IKZF4: variants seen among roughly 807,000 people sequenced by gnomAD.
IKZF4 encodes the protein zinc finger protein Eos.
IKZF4 carries 11 observed loss-of-function variants against 47.7 expected under a neutral mutation model. That is an observed-to-expected ratio of 0.23 (90% CI 0.15 to 0.38). The LOEUF is 0.38. Among genes scored for constraint, IKZF4 ranks in the 10% least tolerant of loss-of-function variants. IKZF4 has a pLI of 1.00. For missense variants in IKZF4, 557 were observed against 784.9 expected, an observed-to-expected ratio of 0.71 and a Z score of 3.47; for synonymous variants, 298 against 299.4, an observed-to-expected ratio of 1.00 and a Z score of 0.05.
At chr12:56,021,688 C>CGG in intron 1 of IKZF4, 108 bp downstream of exon 1, 3 of 657,812 alleles carry the variant, frequency 4.6e-6, no homozygotes, top group Non-Finnish European at 7.3e-6. Flanking sequence ...AGGATGGGGG[C>CGG]TGTGTGTGTG....
In IKZF4 at chr12:56,035,696, CTT is replaced by C; in HGVS notation, c.*366_*367del. Reference sequence around the variant, plus strand: ...TTCCACTTTAGGCCAATTTTTCTCTCTTAGATCTTCCAGCAGCCCCAGGGGTA... The same window carrying C: ...TTCCACTTTAGGCCAATTTTTCTCTCAGATCTTCCAGCAGCCCCAGGGGTA... On this transcript the variant is annotated 3_prime_UTR_variant, in exon 8 of 8. Coordinates refer to ENST00000547167, the MANE Select transcript of IKZF4 (RefSeq NM_022465.4). The surrounding 1 kb of genome is among the most constrained non-coding windows in gnomAD (Gnocchi z 6.1). 1 of 185,346 alleles carries C rather than the reference CTT, an allele frequency of 5.4e-6. No homozygotes were observed. Among genetic ancestry groups the C allele is most frequent in the South Asian group, 1.3e-4 (1 of 7,790 alleles). The allele number at this position is 185,346 out of a possible 1,614,324, so 11.5% of individuals were successfully genotyped here.
At chr12:56,014,785 AAAAAAC>A (rs898393268) in intron 2 of IKZF4, among the ~76,000 whole-genome samples, 11 of 151,898 alleles carry the variant, frequency 7.2e-5, no homozygotes, top group African/African-American at 2.7e-4. Flanking sequence ...GTCTCAAAAA[AAAAAAC>A]AAAAACAAAA....
At position 56,035,309 on chromosome 12, in the gene IKZF4, G is replaced by T; in HGVS notation, c.1736G>T (p.Arg579Leu). 1 of 1,611,514 alleles carries T rather than the reference G, an allele frequency of 6.2e-7. No individual in the cohort carries two copies. Among genetic ancestry groups the T allele is most frequent in the South Asian group, 1.1e-5 (1 of 90,786 alleles). The change falls in exon 8 of 8, where the codon CGG becomes CTG. Residue 579 changes from arginine to leucine, a missense_variant. Around this residue, in one of 6 missense-constraint regions of IKZF4, gnomAD observed 22 missense variants for 65.2 expected, o/e 0.34. Transcript: ENST00000547167. This position sits in a 1 kb window ranked among gnomAD's most constrained non-coding sequence, Gnocchi z 6.1. Reference sequence around the variant, plus strand: ...TACGAATTCTCTTCCCACATTGTCCGGGGGGAGCATAAGGTGGGCTAGCAA... The same window carrying T: ...TACGAATTCTCTTCCCACATTGTCCTGGGGGAGCATAAGGTGGGCTAGCAA... ...DRYEFSSHIV[R>L]GEHKVG
At position 56,027,050 on chromosome 12, in the gene IKZF4, G is replaced by A. The variant is rs377281245; in HGVS notation, c.547+9G>A. ...CAAGCGCAGTCACACTGGTAAGTAAGCCAGAGGGGCTCTGGGAGGAGCTCC... is the reference window on the plus strand; with the variant it reads ...CAAGCGCAGTCACACTGGTAAGTAAACCAGAGGGGCTCTGGGAGGAGCTCC... On this transcript the variant is annotated intron_variant, in intron 4 of 7. Coordinates refer to ENST00000547167, the MANE Select transcript of IKZF4 (RefSeq NM_022465.4). The A allele has an allele frequency of 2.3e-5, 35 of 1,499,664 alleles. No homozygotes were observed. In the African/African-American group the frequency reaches 4.4e-4, roughly 19 times the overall value. 92.9% of individuals were successfully genotyped at this position (1,499,664 alleles called of 1,614,324 possible).
Position 56,035,074 on chromosome 12 carries a change from C to A in IKZF4, c.1501C>A (p.Pro501Thr). The A allele has an allele frequency of 6.3e-7, 1 of 1,593,806 alleles. No homozygotes were observed. The highest frequency in any genetic ancestry group is 8.6e-7 in the Non-Finnish European group (1 of 1,169,540). ...SPAYAKEDPK[P>T]QEGLLRGTPG... ...TGCCTACGCCAAAGAGGACCCCAAGCCACAGGAGGGGTTATTGCGGGGCAC... is the reference window on the plus strand; with the variant it reads ...TGCCTACGCCAAAGAGGACCCCAAGACACAGGAGGGGTTATTGCGGGGCAC... The change falls in exon 8 of 8, where the codon CCA becomes ACA. Residue 501 changes from proline (P) to threonine (T), a missense_variant. Coordinates refer to ENST00000547167, the MANE Select transcript of IKZF4 (RefSeq NM_022465.4). The surrounding 1 kb of genome is among the most constrained non-coding windows in gnomAD (Gnocchi z 6.1).
At chr12:56,009,541 G>A (rs1171551919) in intron 1 of IKZF4, among the ~76,000 whole-genome samples, 1 of 152,196 alleles carries the variant, frequency 6.6e-6, no homozygotes, top group Non-Finnish European at 1.5e-5. Flanking sequence ...CATGAGAACA[G>A]TCAGATGAGT....
chr12:56,010,981 A>C (rs1247906436), intron 1 of IKZF4, among the ~76,000 whole-genome samples: 1 of 152,154 alleles, frequency 6.6e-6, no homozygotes, highest in Admixed American at 6.5e-5. Context: ...TTTGGGCACA[A>C]TTGCAATCAA....
rs1892828995 is a variant in IKZF4, at chr12:56,021,077, T to TTC, written c.-416_-415dup. ...CCTCTCTCAGGCATTTGTTGTGCAG[T>TTC]TCCTCTTTGTCTGCTGGGCACGAGG... On this transcript the variant is annotated 5_prime_UTR_variant, in exon 1 of 8. Coordinates refer to ENST00000547167, the MANE Select transcript of IKZF4 (RefSeq NM_022465.4). 1.6e-6 allele frequency: 2 copies of TTC among 1,260,992 alleles called. No individual in the cohort carries two copies. The highest frequency in any genetic ancestry group is 2.0e-6 in the Non-Finnish European group (2 of 995,490). The allele number at this position is 1,260,992 out of a possible 1,614,324, so 78.1% of individuals were successfully genotyped here.
In IKZF4 at chr12:56,038,027, C is replaced by T. The variant is rs1895761991; in HGVS notation, c.*2696C>T. On this transcript the variant is annotated 3_prime_UTR_variant, in exon 8 of 8. Coordinates refer to ENST00000547167, the MANE Select transcript of IKZF4 (RefSeq NM_022465.4). ...CTGCAGATAGGATTTTGTAATACTT[C>T]TGGCAGCTTCTTTCCTTGTGTACAT... is the stretch of plus-strand genomic sequence containing the variant. 1 of 150,440 alleles carries T rather than the reference C, an allele frequency of 6.6e-6. No individual in the cohort carries two copies. Among genetic ancestry groups the T allele is most frequent in the African/African-American group, 2.4e-5 (1 of 41,082 alleles). 9.3% of individuals were successfully genotyped at this position (150,440 alleles called of 1,614,324 possible).
intron 1 of IKZF4, chr12:56,007,761 G>A (rs938913775): frequency 6.6e-6 from 1 of 152,130 alleles, no homozygotes; most frequent in African/African-American, 2.4e-5. Context: ...GCTTGGTGGG[G>A]GTAAAGCGGG....
rs748445477 is a variant in IKZF4, at chr12:56,021,274, C to CCTCT, written c.-202_-199dup. The CCTCT allele has an allele frequency of 3.8e-5, 50 of 1,309,568 alleles. No individual in the cohort carries two copies. Among genetic ancestry groups the CCTCT allele is most frequent in the Non-Finnish European group, 4.7e-5 (47 of 1,001,014 alleles). 81.1% of individuals were successfully genotyped at this position (1,309,568 alleles called of 1,614,324 possible). A position where few individuals can be genotyped will look rare whatever the true frequency, so the allele number is the denominator to read the frequency against. On this transcript the variant is annotated 5_prime_UTR_variant, in exon 1 of 8. Coordinates refer to ENST00000547167, the MANE Select transcript of IKZF4 (RefSeq NM_022465.4). ...GCGTGCTCTCCCCTCTCCTTCTCTCCCTCTCTCTCTCTCTCTCTCTCACAC... is the reference window on the plus strand; with the variant it reads ...GCGTGCTCTCCCCTCTCCTTCTCTCCCTCTCTCTCTCTCTCTCTCTCTCTCACAC...
Position 56,035,494 on chromosome 12 carries a change from T to C in IKZF4, c.*163T>C, listed in dbSNP as rs1303473952. On this transcript the variant is annotated 3_prime_UTR_variant, in exon 8 of 8. Coordinates refer to ENST00000547167, the MANE Select transcript of IKZF4 (RefSeq NM_022465.4). The surrounding 1 kb of genome is among the most constrained non-coding windows in gnomAD (Gnocchi z 6.1). Reference sequence around the variant, plus strand: ...CCTCCTCACCTATTCTCTTCCTCTATCCTGACCGATGTAAGCATTGTGATG... The same window carrying C: ...CCTCCTCACCTATTCTCTTCCTCTACCCTGACCGATGTAAGCATTGTGATG... The C allele has an allele frequency of 1.6e-6, 1 of 627,206 alleles. No individual in the cohort carries two copies. The allele number at this position is 627,206 out of a possible 1,614,324, so 38.9% of individuals were successfully genotyped here.
At chr12:56,023,050 C>T (rs551791244) in intron 1 of IKZF4, among the ~76,000 whole-genome samples, 9 of 152,272 alleles carry the variant, frequency 5.9e-5, no homozygotes, top group Admixed American at 3.9e-4. Context: ...CCGCCCGCCT[C>T]GGCCTCCCAA....
Position 56,035,485 on chromosome 12 carries a change from C to T in IKZF4, c.*154C>T, listed in dbSNP as rs548123073. 223 of 689,160 alleles carry T rather than the reference C, an allele frequency of 3.2e-4. No individual in the cohort carries two copies. The highest frequency in any genetic ancestry group is 5.7e-4 in the Admixed American group (21 of 36,950). The allele number at this position is 689,160 out of a possible 1,614,324, so 42.7% of individuals were successfully genotyped here. A position where few individuals can be genotyped will look rare whatever the true frequency, so the allele number is the denominator to read the frequency against. On this transcript the variant is annotated 3_prime_UTR_variant, in exon 8 of 8. Transcript: ENST00000547167. The surrounding 1 kb of genome is among the most constrained non-coding windows in gnomAD (Gnocchi z 6.1). ...ACCCTGACCCCTCCTCACCTATTCT[C>T]TTCCTCTATCCTGACCGATGTAAGC...
At chr12:56,009,461 G>T (rs756847317) in intron 1 of IKZF4, among the ~76,000 whole-genome samples, 1 of 152,170 alleles carries the variant, frequency 6.6e-6, no homozygotes, top group Non-Finnish European at 1.5e-5. Context: ...CTTGCTTTAT[G>T]GTTTGCAGGA....
chr12:56,021,683 G>A, intron 1 of IKZF4, 103 bp downstream of exon 1: 1 of 1,315,848 alleles, frequency 7.6e-7, no homozygotes, highest in Non-Finnish European at 1.0e-6. Flanking sequence ...TGGAGAGGAT[G>A]GGGGCTGTGT....
At position 56,021,251 on chromosome 12, in the gene IKZF4, G is replaced by T; in HGVS notation, c.-243G>T. Reference sequence around the variant, plus strand: ...GCCCCCTCCCCAAGCACATCCAAGCGTGCTCTCCCCTCTCCTTCTCTCCCT... The same window carrying T: ...GCCCCCTCCCCAAGCACATCCAAGCTTGCTCTCCCCTCTCCTTCTCTCCCT... On this transcript the variant is annotated 5_prime_UTR_variant, in exon 1 of 8. Coordinates refer to ENST00000547167, the MANE Select transcript of IKZF4 (RefSeq NM_022465.4). The T allele has an allele frequency of 7.0e-7, 1 of 1,418,476 alleles. No individual in the cohort carries two copies. The highest frequency in any genetic ancestry group is 9.2e-7 in the Non-Finnish European group (1 of 1,082,356). 87.9% of individuals were successfully genotyped at this position (1,418,476 alleles called of 1,614,324 possible).
chr12:56,014,748 C>T (rs907275876), intron 2 of IKZF4, among the ~76,000 whole-genome samples: 1 of 152,032 alleles, frequency 6.6e-6, no homozygotes, highest in African/African-American at 2.4e-5. Flanking sequence ...CCACTGCACT[C>T]CAGCCTGGGC....
chr12:56,015,434 T>G (rs1436228279), intron 2 of IKZF4, among the ~76,000 whole-genome samples: 1 of 152,004 alleles, frequency 6.6e-6, no homozygotes, highest in Non-Finnish European at 1.5e-5. Context: ...TTTCCCTTTG[T>G]TGACCTGGCT....
Sources: allele counts gnomAD v4.1 joint callset (sites outside exome capture counted in the v4.1 genomes callset), GRCh38; gene constraint gnomAD v4.1.1; regional missense constraint gnomAD v4.1.1; non-coding constraint Gnocchi (gnomAD v3.1); transcripts MANE v1.5; gene names NCBI Gene and HGNC (gene_info 2026-07-23, HGNC 2026-07-21).